Variants in FBXO33 observed in about 807,000 individuals in gnomAD.
The protein encoded by FBXO33 is F-box protein 33, also known as F-box only protein 33.
Under a neutral mutation model 46.3 loss-of-function variants are expected in FBXO33, and 22 were observed. The observed-to-expected ratio is 0.48, with a 90% CI of 0.34 to 0.68. The LOEUF (loss-of-function observed/expected upper bound fraction) is 0.68, where lower values mean the gene tolerates loss of function less well. Among genes scored for constraint, FBXO33 ranks in the 30% least tolerant of loss-of-function variants. The pLI, the probability that FBXO33 is intolerant of heterozygous loss-of-function variation, is 0.01. For missense variants in FBXO33, 692 were observed against 708.8 expected (o/e 0.98, Z 0.27); for synonymous variants, 337 against 291.3 (o/e 1.16, Z -1.60).
intron 3 of FBXO33, among the ~76,000 whole-genome samples, chr14:39,400,837 C>T (rs1019842251): frequency 6.6e-5 from 10 of 152,154 alleles, no homozygotes; most frequent in African/African-American, 2.4e-4. Context: ...TCTCTTCCCC[C>T]GCACTATGTT....
At chr14:39,414,614 T>G (rs868266248) in intron 1 of FBXO33, among the ~76,000 whole-genome samples, 11 of 152,198 alleles carry the variant, frequency 7.2e-5, no homozygotes, top group African/African-American at 2.7e-4. Context: ...ACTCTTCCTT[T>G]CACTTAGCAA....
At chr14:39,421,628 G>A (rs1230738118) in intron 1 of FBXO33, among the ~76,000 whole-genome samples, 1 of 152,054 alleles carries the variant, frequency 6.6e-6, no homozygotes, top group East Asian at 1.9e-4. Flanking sequence ...AAAGTTTCTG[G>A]GAGCAATTAA....
chr14:39,431,634 G>A lies in FBXO33; in HGVS notation c.529C>T (p.Arg177Cys), dbSNP rs1489916624. 1.9e-6 allele frequency: 3 copies of A among 1,613,548 alleles called. No individual in the cohort carries two copies. The Admixed American group carries it at 5.0e-5, about 27-fold the overall frequency. ...EEVEALQLSARWLEVLRTYLE... is the reference protein window; with the variant it reads ...EEVEALQLSACWLEVLRTYLE... The stretch of plus-strand genomic sequence containing the variant: ...TAGGTGCGCAGCACTTCCAGCCAAC[G>A]AGCTGAGAGCTGCAGGGCCTCGACT... Residue 177 changes from arginine (R) to cysteine (C), a missense_variant, in exon 1 of 4, where the codon CGT becomes TGT. Arg to Cys is a radical substitution (Grantham distance 180). This residue lies in a region of FBXO33 where 412 missense variants were observed against 370.8 expected (regional missense o/e 1.11). Transcript: ENST00000298097.
At chr14:39,422,691 G>A (rs1371876811) in intron 1 of FBXO33, among the ~76,000 whole-genome samples, 2 of 152,170 alleles carry the variant, frequency 1.3e-5, no homozygotes, top group Non-Finnish European at 1.5e-5. Context: ...TCTAAATGGT[G>A]ACATAAGACA....
intron 1 of FBXO33, among the ~76,000 whole-genome samples, chr14:39,427,880 T>C (rs1029145221): frequency 6.6e-6 from 1 of 152,122 alleles, no homozygotes; most frequent in Non-Finnish European, 1.5e-5. Flanking sequence ...CCCAGGAATT[T>C]GAGGCTGCAG....
chr14:39,425,058 A>G (rs1320523191), intron 1 of FBXO33, among the ~76,000 whole-genome samples: 1 of 152,202 alleles, frequency 6.6e-6, no homozygotes, highest in Non-Finnish European at 1.5e-5. Flanking sequence ...CTCAAAAAAA[A>G]AAAGTTTATT....
intron 1 of FBXO33, among the ~76,000 whole-genome samples, chr14:39,413,383 A>G (rs1396523104): frequency 2.0e-5 from 3 of 152,194 alleles, no homozygotes; most frequent in Non-Finnish European, 4.4e-5. Context: ...TGCAATTTTC[A>G]CCACATCTAC....
chr14:39,404,438 T>C (rs1315533412), intron 1 of FBXO33, among the ~76,000 whole-genome samples: 2 of 152,110 alleles, frequency 1.3e-5, no homozygotes, highest in Admixed American at 1.3e-4. Context: ...GCCATTCTCC[T>C]GCCTCAGCCT....
rs547123291 is a variant in FBXO33 at position 39,422,571 on chromosome 14, C to G, written c.599+8993G>C. Among the ~76,000 whole-genome samples, 3 of 152,346 alleles carry G rather than the reference C, an allele frequency of 2.0e-5. No individual in the cohort carries two copies. In the East Asian group the frequency reaches 5.8e-4, roughly 29 times the overall value. On this transcript the variant is annotated intron_variant, in intron 1 of 3. Coordinates refer to ENST00000298097, the MANE Select transcript of FBXO33 (RefSeq NM_203301.4). ...CTACAGATTTCCTTATCACCTTCCT[C>G]CTTACCTGGCTGACTTCTTCTACAT...
intron 1 of FBXO33, among the ~76,000 whole-genome samples, chr14:39,410,632 A>C (rs186087540): frequency 3.9e-5 from 6 of 152,314 alleles, no homozygotes; most frequent in Non-Finnish European, 7.4e-5. Context: ...GGTAGAATTC[A>C]CCTGTGAAGC....
At chr14:39,426,581 CCTT>C (rs1304535964) in intron 1 of FBXO33, among the ~76,000 whole-genome samples, 31 of 152,176 alleles carry the variant, frequency 2.0e-4, no homozygotes, top group Admixed American at 2.0e-3. Flanking sequence ...CCCAATTCTT[CCTT>C]CTTCTACTTC....
chr14:39,410,145 T>C (rs73285564), intron 1 of FBXO33, among the ~76,000 whole-genome samples: 3,295 of 152,314 alleles, frequency 0.022, 127 homozygotes, highest in African/African-American at 0.076. Context: ...CACTATTGAG[T>C]ATGATATTAA....
chr14:39,429,656 CAG>C lies in FBXO33; in HGVS notation c.599+1906_599+1907del, dbSNP rs559885210. On this transcript the variant is annotated intron_variant, in intron 1 of 3. Coordinates refer to ENST00000298097, the MANE Select transcript of FBXO33 (RefSeq NM_203301.4). ...CAATTACACTACATTTTGAGACAAA[CAG>C]AATGAATATGCTACCAAAGCAGCAT... 2.0e-5 allele frequency among the ~76,000 whole-genome samples: 3 copies of C among 152,284 alleles called. No individual in the cohort carries two copies. The East Asian group carries it at 5.8e-4, about 29-fold the overall frequency.
intron 1 of FBXO33, among the ~76,000 whole-genome samples, chr14:39,404,383 G>A (rs2075382741): frequency 6.6e-6 from 1 of 152,158 alleles, no homozygotes; most frequent in Admixed American, 6.5e-5. Context: ...CTGGAGTGCA[G>A]TGGCACGATC....
In FBXO33 at chr14:39,431,583, C is replaced by G; in HGVS notation, c.580G>C (p.Val194Leu). Residue 194 changes from valine (V) to leucine (L), a missense_variant, in exon 1 of 4, where the codon GTC (valine) becomes CTC (leucine). Physicochemically the swap from Val to Leu is conservative, Grantham distance 32. Coordinates refer to ENST00000298097, the MANE Select transcript of FBXO33 (RefSeq NM_203301.4). ...GCCTACCTGTTGTTCCGGATGCTGA[C>G]CAGCACGCAAAGCACCAGCTCCAAG... ...TYLELVLCVL[V>L]SIRNNRNLQK... The G allele has an allele frequency of 1.2e-6, 2 of 1,612,938 alleles. No individual in the cohort carries two copies. Among genetic ancestry groups the G allele is most frequent in the East Asian group, 2.2e-5 (1 of 44,876 alleles).
At chr14:39,414,638 T>C (rs1393238306) in intron 1 of FBXO33, among the ~76,000 whole-genome samples, 1 of 152,138 alleles carries the variant, frequency 6.6e-6, no homozygotes, top group African/African-American at 2.4e-5. Flanking sequence ...GAGGTCACCG[T>C]AGAGTTATTA....
chr14:39,420,888 A>C (rs796341852), intron 1 of FBXO33, among the ~76,000 whole-genome samples: 5 of 152,336 alleles, frequency 3.3e-5, no homozygotes, highest in African/African-American at 1.2e-4. Context: ...TCTGTGCTTC[A>C]GTTTCACCAT....
chr14:39,406,381 T>A (rs949077407), intron 1 of FBXO33, among the ~76,000 whole-genome samples: 59 of 152,192 alleles, frequency 3.9e-4, no homozygotes, highest in Non-Finnish European at 7.5e-4. Flanking sequence ...GACTTTTACT[T>A]CTTCTACAAA....
At chr14:39,412,199 C>A (rs1020208963) in intron 1 of FBXO33, among the ~76,000 whole-genome samples, 1 of 152,126 alleles carries the variant, frequency 6.6e-6, no homozygotes, top group Admixed American at 6.5e-5. Context: ...TTATTTTTCA[C>A]TTCAGGTATG....
Sources: gnomAD v4.1 joint callset for allele counts (sites outside exome capture counted in the v4.1 genomes callset) on GRCh38, gnomAD v4.1.1 for gene constraint, gnomAD v4.1.1 regional missense constraint, MANE v1.5 for transcripts, NCBI Gene and HGNC (gene_info 2026-07-23, HGNC 2026-07-21) for gene names.